The following AGMO variants were observed in gnomAD, a reference collection of about 807,000 sequenced individuals.
AGMO encodes the protein glyceryl-ether monooxygenase.
A neutral mutation model predicts 60.2 loss-of-function variants in AGMO; 75 were observed. That is an observed-to-expected ratio of 1.25 (90% confidence interval 1.03 to 1.51). AGMO has a LOEUF of 1.51. Ranked by LOEUF, AGMO falls within the 40% of genes most tolerant of loss-of-function variation. The probability of loss-of-function intolerance (pLI) is 0.00; values close to 1 mark genes in which losing one functional copy is unlikely to be tolerated. For missense variants in AGMO, 763 were observed against 525.5 expected (o/e 1.45, Z -4.42); for synonymous variants, 261 against 177.1 (o/e 1.47, Z -3.76).
chr7:15,152,684 T>C, the AGMO span, among the ~76,000 whole-genome samples: 1 of 152,192 alleles, frequency 6.6e-6, no homozygotes, highest in Non-Finnish European at 1.5e-5. Flanking sequence ...TCATTCCTAC[T>C]TATGGCTGAG....
the AGMO span, among the ~76,000 whole-genome samples, chr7:15,176,002 T>C: frequency 6.6e-6 from 1 of 152,006 alleles, no homozygotes; most frequent in African/African-American, 2.4e-5. Flanking sequence ...AGGAATGATA[T>C]CTTCGTATAC....
intron 3 of AGMO, among the ~76,000 whole-genome samples, chr7:15,476,615 C>A (rs1268400254): frequency 2.0e-5 from 3 of 151,820 alleles, no homozygotes; most frequent in African/African-American, 7.3e-5. Flanking sequence ...GTGAATAAGT[C>A]TTTCTGTTTA....
chr7:15,503,310 A>G (rs1287427458), intron 3 of AGMO, among the ~76,000 whole-genome samples: 1 of 152,022 alleles, frequency 6.6e-6, no homozygotes, highest in Non-Finnish European at 1.5e-5. Flanking sequence ...TATTATCCAG[A>G]TTTTACAGAT....
chr7:15,200,201 T>G (rs1358853865), downstream of AGMO: 1 of 152,142 alleles, frequency 6.6e-6, no homozygotes, highest in Non-Finnish European at 1.5e-5. Flanking sequence ...AAAGATTTTT[T>G]TTTTAACTTT....
chr7:15,167,512 A>G, the AGMO span, among the ~76,000 whole-genome samples: 1 of 152,196 alleles, frequency 6.6e-6, no homozygotes, highest in Non-Finnish European at 1.5e-5. Context: ...GGCAATTACA[A>G]CCTCCAAACA....
chr7:15,398,098 T>C (rs543273912), intron 5 of AGMO, among the ~76,000 whole-genome samples: 1 of 152,290 alleles, frequency 6.6e-6, no homozygotes, highest in Admixed American at 6.5e-5. Context: ...GTTTCTTTGG[T>C]GCCCAACATG....
chr7:15,153,300 G>C, the AGMO span, among the ~76,000 whole-genome samples: 20 of 151,992 alleles, frequency 1.3e-4, no homozygotes, highest in South Asian at 3.9e-3. Flanking sequence ...TTATCTGTTA[G>C]CTCTGATGAT....
intron 12 of AGMO, among the ~76,000 whole-genome samples, chr7:15,259,457 AAAATCT>A (rs1350584938): frequency 6.6e-6 from 1 of 152,166 alleles, no homozygotes; most frequent in Non-Finnish European, 1.5e-5. Context: ...AGGAAGAAGA[AAAATCT>A]AAAAGTTTGG....
chr7:15,336,222 C>T (rs1026983089), intron 12 of AGMO, among the ~76,000 whole-genome samples: 3 of 151,920 alleles, frequency 2.0e-5, no homozygotes, highest in Non-Finnish European at 4.4e-5. Context: ...ATTATGATGG[C>T]AAAAGAAATT....
At chr7:15,522,084 G>A (rs1407736864) in intron 3 of AGMO, among the ~76,000 whole-genome samples, 1 of 152,092 alleles carries the variant, frequency 6.6e-6, no homozygotes, top group African/African-American at 2.4e-5. Flanking sequence ...AATCATGAGT[G>A]AACTCTCATT....
chr7:15,339,483 G>C (rs936079555), intron 12 of AGMO, among the ~76,000 whole-genome samples: 1 of 152,138 alleles, frequency 6.6e-6, no homozygotes, highest in Non-Finnish European at 1.5e-5. Context: ...CATAATTTTA[G>C]AGGATGTTCA....
chr7:15,117,541 G>A, the AGMO span, among the ~76,000 whole-genome samples: 1 of 151,892 alleles, frequency 6.6e-6, no homozygotes, highest in Non-Finnish European at 1.5e-5. Flanking sequence ...AAGGAGGGGA[G>A]TGAGGGTTGA....
At chr7:15,397,534 G>C (rs1784441877) in intron 5 of AGMO, among the ~76,000 whole-genome samples, 1 of 152,176 alleles carries the variant, frequency 6.6e-6, no homozygotes. Context: ...GAGCTAGCAA[G>C]GGCTGCTAGC....
intron 10 of AGMO, among the ~76,000 whole-genome samples, chr7:15,375,779 A>C (rs1435644718): frequency 6.6e-6 from 1 of 152,146 alleles, no homozygotes; most frequent in African/African-American, 2.4e-5. Flanking sequence ...AACAGAATTA[A>C]ATTGCTTAAT....
intron 5 of AGMO, among the ~76,000 whole-genome samples, chr7:15,408,847 A>G (rs1784768627): frequency 6.6e-6 from 1 of 151,918 alleles, no homozygotes; most frequent in South Asian, 2.1e-4. Context: ...TAGCATAATG[A>G]CTAACACATG....
intron 12 of AGMO, among the ~76,000 whole-genome samples, chr7:15,204,551 G>C (rs1187379699): frequency 6.6e-6 from 1 of 152,096 alleles, no homozygotes; most frequent in African/African-American, 2.4e-5. Flanking sequence ...CTAGTTCTAG[G>C]CAAGTCCCAT....
intron 8 of AGMO, among the ~76,000 whole-genome samples, chr7:15,390,190 C>G (rs762852361): frequency 6.6e-6 from 1 of 152,064 alleles, no homozygotes; most frequent in Non-Finnish European, 1.5e-5. Context: ...TCCAGTCCAA[C>G]AAGTCTTAGC....
At chr7:15,451,812 G>C (rs545300243) in intron 3 of AGMO, among the ~76,000 whole-genome samples, 2 of 152,016 alleles carry the variant, frequency 1.3e-5, no homozygotes, top group South Asian at 4.2e-4. Flanking sequence ...AAGATTTATA[G>C]ACCAAAAAAA....
intron 5 of AGMO, among the ~76,000 whole-genome samples, chr7:15,397,293 G>A (rs1784430030): frequency 1.3e-5 from 2 of 151,884 alleles, no homozygotes; most frequent in South Asian, 2.1e-4. Flanking sequence ...GGCTGGCCGC[G>A]CCCAGTGCGC....
Sources: allele counts gnomAD v4.1 joint callset (sites outside exome capture counted in the v4.1 genomes callset), GRCh38; gene constraint gnomAD v4.1.1; transcripts MANE v1.5; gene names NCBI Gene and HGNC (gene_info 2026-07-23, HGNC 2026-07-21).